Variants in ANGPT1 observed in about 807,000 individuals in gnomAD.
ANGPT1 encodes the protein angiopoietin 1, also known as angiopoietin-1.
Under a neutral mutation model 62.2 loss-of-function variants are expected in ANGPT1, and 17 were observed. That is an observed-to-expected ratio of 0.27 (90% CI 0.19 to 0.41). The LOEUF (loss-of-function observed/expected upper bound fraction) is 0.41. Among genes scored for constraint, ANGPT1 ranks in the 10% least tolerant of loss-of-function variants. The pLI is 1.00. For synonymous variants in ANGPT1, 199 were observed against 198.9 expected, an observed-to-expected ratio of 1.00 and a Z score of 0.00; for missense variants, 478 against 594.9, an observed-to-expected ratio of 0.80 and a Z score of 2.04.
intron 8 of ANGPT1, among the ~76,000 whole-genome samples, chr8:107,257,168 C>T (rs1423484676): frequency 1.3e-5 from 2 of 152,162 alleles, no homozygotes; most frequent in Non-Finnish European, 2.9e-5. Context: ...CCTCAAATGT[C>T]TTAAGGTTGG....
intron 4 of ANGPT1, among the ~76,000 whole-genome samples, chr8:107,306,975 A>G (rs955756566): frequency 6.6e-6 from 1 of 152,124 alleles, no homozygotes; most frequent in African/African-American, 2.4e-5. Context: ...AACCTTCCGG[A>G]GACCTGAAAG....
chr8:107,364,067 G>C (rs540478651), intron 1 of ANGPT1, among the ~76,000 whole-genome samples: 2 of 152,074 alleles, frequency 1.3e-5, no homozygotes, highest in Non-Finnish European at 2.9e-5. Context: ...AAGTCTATAG[G>C]TAATAATATC....
At chr8:107,303,113 T>C (rs1216633736) in intron 5 of ANGPT1, 127 bp downstream of exon 5, 4 of 1,069,354 alleles carry the variant, frequency 3.7e-6, no homozygotes, top group Non-Finnish European at 4.1e-6. Flanking sequence ...AGAGTATCTC[T>C]GGGAGAAAAA....
At chr8:107,410,725 G>A (rs761968407) in intron 1 of ANGPT1, among the ~76,000 whole-genome samples, 44 of 152,270 alleles carry the variant, frequency 2.9e-4, no homozygotes, top group South Asian at 1.0e-3. Context: ...AATGGACAAT[G>A]TGGTAGTTTC....
chr8:107,484,575 C>T (rs1309991418), intron 1 of ANGPT1, among the ~76,000 whole-genome samples: 1 of 151,822 alleles, frequency 6.6e-6, no homozygotes, highest in Non-Finnish European at 1.5e-5. Context: ...CAGGCTAATT[C>T]TTGTATATTA....
At chr8:107,428,976 T>C (rs989321503) in intron 1 of ANGPT1, among the ~76,000 whole-genome samples, 3 of 152,208 alleles carry the variant, frequency 2.0e-5, no homozygotes, top group African/African-American at 4.8e-5. Flanking sequence ...TAGGAACAAT[T>C]CTTTTGGACA....
chr8:107,382,895 C>A (rs765674600), intron 1 of ANGPT1, among the ~76,000 whole-genome samples: 9 of 152,162 alleles, frequency 5.9e-5, no homozygotes, highest in Non-Finnish European at 1.0e-4. Context: ...ATATTTCAAT[C>A]TGAACAACGA....
chr8:107,497,707 A>C lies in ANGPT1; in HGVS notation c.-149T>G. ...AGCGTTTGAAGAAGAATCATAGAAAACTAGCCATTTGTTAGCTTTGTTCTA... is the reference window on the plus strand; with the variant it reads ...AGCGTTTGAAGAAGAATCATAGAAACCTAGCCATTTGTTAGCTTTGTTCTA... On this transcript the variant is annotated 5_prime_UTR_variant, in exon 1 of 9. Transcript: ENST00000517746. 2.4e-6 allele frequency: 2 copies of C among 845,566 alleles called. No homozygotes were observed. Among genetic ancestry groups the C allele is most frequent in the Non-Finnish European group, 3.5e-6 (2 of 569,112 alleles). The allele number at this position is 845,566 out of a possible 1,614,324, so 52.4% of individuals were successfully genotyped here.
At chr8:107,392,851 T>G (rs1401188714) in intron 1 of ANGPT1, among the ~76,000 whole-genome samples, 1 of 152,210 alleles carries the variant, frequency 6.6e-6, no homozygotes, top group African/African-American at 2.4e-5. Context: ...TAAATAATCT[T>G]TTTATTACTG....
chr8:107,442,427 A>AT (rs1811506022), intron 1 of ANGPT1, among the ~76,000 whole-genome samples: 1 of 152,136 alleles, frequency 6.6e-6, no homozygotes, highest in Non-Finnish European at 1.5e-5. Context: ...ATTTTAATCT[A>AT]TTTTTATTTT....
At chr8:107,370,756 G>A (rs1816392274) in intron 1 of ANGPT1, among the ~76,000 whole-genome samples, 1 of 142,296 alleles carries the variant, frequency 7.0e-6, no homozygotes, top group Admixed American at 7.1e-5. Flanking sequence ...AAAGAAGGAA[G>A]GAAGGAGGGA....
intron 1 of ANGPT1, among the ~76,000 whole-genome samples, chr8:107,488,616 C>T (rs1206848395): frequency 6.6e-6 from 1 of 151,812 alleles, no homozygotes; most frequent in Non-Finnish European, 1.5e-5. Context: ...TTCAATAAAC[C>T]CATTCATTTA....
intron 1 of ANGPT1, among the ~76,000 whole-genome samples, chr8:107,479,459 C>T (rs1812619179): frequency 2.0e-5 from 3 of 152,252 alleles, no homozygotes; most frequent in Middle Eastern, 3.4e-3. Flanking sequence ...CTGTTTCATT[C>T]AAGTCCAGAT....
At position 107,298,455 on chromosome 8, in the gene ANGPT1, T is replaced by C. The variant is rs113673667; in HGVS notation, c.937-4418A>G. 3.8e-3 allele frequency among the ~76,000 whole-genome samples: 573 copies of C among 151,980 alleles called. 3 individuals are homozygous for C. The highest frequency in any genetic ancestry group is 5.8e-3 in the Non-Finnish European group (394 of 67,894). ...GGGAAAGTCTTGTTTCCTACTACTA[T>C]ACATTGAAGGGAATTCAGAAAGAAA... On this transcript the variant is annotated intron_variant, in intron 5 of 8. Coordinates refer to ENST00000517746, the MANE Select transcript of ANGPT1 (RefSeq NM_001146.5).
intron 5 of ANGPT1, among the ~76,000 whole-genome samples, chr8:107,297,166 T>C (rs1277973747): frequency 6.6e-6 from 1 of 152,052 alleles, no homozygotes; most frequent in Non-Finnish European, 1.5e-5. Flanking sequence ...GGCAGATTAC[T>C]AAGTTGGAAG....
intron 6 of ANGPT1, among the ~76,000 whole-genome samples, chr8:107,293,351 G>A (rs754175705): frequency 1.3e-5 from 2 of 152,090 alleles, no homozygotes; most frequent in Non-Finnish European, 2.9e-5. Flanking sequence ...CCAACAGAAT[G>A]CAATGGAAGT....
chr8:107,375,454 C>T (rs933683532), intron 1 of ANGPT1, among the ~76,000 whole-genome samples: 1 of 152,106 alleles, frequency 6.6e-6, no homozygotes, highest in Non-Finnish European at 1.5e-5. Flanking sequence ...TACCAAATTT[C>T]AATACAGAGC....
At chr8:107,491,151 T>TAA (rs147620709) in intron 1 of ANGPT1, among the ~76,000 whole-genome samples, 16 of 149,708 alleles carry the variant, frequency 1.1e-4, no homozygotes, top group East Asian at 7.9e-4. Flanking sequence ...CAGAAATGAT[T>TAA]AAAAAAAAAA....
At chr8:107,365,856 A>AACAC (rs10627552) in intron 1 of ANGPT1, among the ~76,000 whole-genome samples, 39,767 of 146,926 alleles carry the variant, frequency 0.27, 5,449 homozygotes, top group Non-Finnish European at 0.29. Flanking sequence ...AAACAAATAC[A>AACAC]ACACACACAC....
Sources: allele counts gnomAD v4.1 joint callset (sites outside exome capture counted in the v4.1 genomes callset), GRCh38; gene constraint gnomAD v4.1.1; transcripts MANE v1.5; gene names NCBI Gene and HGNC (gene_info 2026-07-23, HGNC 2026-07-21).